The following SNTG1 variants were observed in gnomAD, a reference collection of about 807,000 sequenced individuals.
The protein encoded by SNTG1 is gamma-1-syntrophin.
Under a neutral mutation model 74.7 loss-of-function variants are expected in SNTG1, and 39 were observed. The observed-to-expected ratio is 0.52, with a 90% CI of 0.40 to 0.68. SNTG1 has a LOEUF of 0.68. Ranked by LOEUF, SNTG1 falls within the 30% of genes least tolerant of loss-of-function variation. SNTG1 has a pLI of 0.00. For missense variants in SNTG1, 685 were observed against 609.5 expected (o/e 1.12, Z -1.30); for synonymous variants, 254 against 217.1 (o/e 1.17, Z -1.49).
intron 18 of SNTG1, among the ~76,000 whole-genome samples, chr8:50,755,462 A>T (rs2095578050): frequency 6.6e-6 from 1 of 151,990 alleles, no homozygotes; most frequent in African/African-American, 2.4e-5. Context: ...ACTGAATAAT[A>T]TCCAATTTTC....
rs997668127 is a variant in SNTG1, at chr8:50,446,350, A to T, written c.220-3318A>T. On this transcript the variant is annotated intron_variant, in intron 5 of 18. Transcript: ENST00000642720. ...TTTCAGAAATTAGTTTAAAAAGTAC[A>T]TCAGAGCTCCAAATGTCTAATTTAA... 6.1e-5 allele frequency among the ~76,000 whole-genome samples: 9 copies of T among 148,414 alleles called. No homozygotes were observed. The East Asian group carries it at 1.8e-3, about 30-fold the overall frequency.
intron 1 of SNTG1, among the ~76,000 whole-genome samples, chr8:50,020,219 T>A (rs1023549126): frequency 3.9e-5 from 6 of 152,172 alleles, no homozygotes; most frequent in Non-Finnish European, 8.8e-5. Context: ...TCCTCTTTTA[T>A]CTTGTATTAC....
chr8:49,924,431 A>G (rs1806834455), intron 1 of SNTG1, among the ~76,000 whole-genome samples: 1 of 152,298 alleles, frequency 6.6e-6, no homozygotes, highest in East Asian at 1.9e-4. Flanking sequence ...TACAAGTATT[A>G]CTATGCCACC....
At chr8:50,446,807 G>A (rs2093412214) in intron 5 of SNTG1, among the ~76,000 whole-genome samples, 1 of 152,154 alleles carries the variant, frequency 6.6e-6, no homozygotes, top group Non-Finnish European at 1.5e-5. Flanking sequence ...TTCAAAGATG[G>A]TTACAATAGT....
At chr8:50,155,653 T>C (rs2082230094) in intron 1 of SNTG1, among the ~76,000 whole-genome samples, 1 of 151,972 alleles carries the variant, frequency 6.6e-6, no homozygotes. Context: ...AATAAACATT[T>C]GTAAGATGAA....
At chr8:50,748,074 G>T (rs2095559216) in intron 17 of SNTG1, among the ~76,000 whole-genome samples, 2 of 152,024 alleles carry the variant, frequency 1.3e-5, no homozygotes, top group African/African-American at 2.4e-5. Context: ...GTCTGGCATT[G>T]TTACCACTCA....
intron 15 of SNTG1, among the ~76,000 whole-genome samples, chr8:50,682,743 C>T (rs2095336247): frequency 6.6e-6 from 1 of 152,092 alleles, no homozygotes; most frequent in South Asian, 2.1e-4. Flanking sequence ...AGATCTGTCC[C>T]CCAACACCCT....
chr8:50,744,390 T>A (rs2095550567), intron 17 of SNTG1, among the ~76,000 whole-genome samples: 1 of 151,946 alleles, frequency 6.6e-6, no homozygotes, highest in African/African-American at 2.4e-5. Context: ...TAGGTGAAAG[T>A]CTTGTATACT....
chr8:50,450,754 A>T, intron 8 of SNTG1, 25 bp downstream of exon 8: 1 of 1,609,478 alleles, frequency 6.2e-7, no homozygotes, highest in Non-Finnish European at 8.5e-7. Flanking sequence ...TCCTAATGTC[A>T]TAGTTTTCCC....
intron 2 of SNTG1, among the ~76,000 whole-genome samples, chr8:50,383,134 T>C (rs1384580003): frequency 6.6e-6 from 1 of 152,204 alleles, no homozygotes; most frequent in Non-Finnish European, 1.5e-5. Flanking sequence ...CACATAAAAG[T>C]AACCATCACA....
At chr8:50,517,899 G>A (rs1034941313) in intron 9 of SNTG1, among the ~76,000 whole-genome samples, 8 of 151,952 alleles carry the variant, frequency 5.3e-5, no homozygotes, top group Admixed American at 5.2e-4. Context: ...CAGATCAAGA[G>A]GACAGAAAAT....
chr8:50,557,371 T>C (rs1339747821), intron 12 of SNTG1, among the ~76,000 whole-genome samples: 1 of 152,242 alleles, frequency 6.6e-6, no homozygotes, highest in African/African-American at 2.4e-5. Context: ...ATTAGTTTCC[T>C]AAAATTCCAA....
chr8:50,112,859 C>T (rs1016685856), intron 1 of SNTG1, among the ~76,000 whole-genome samples: 4 of 151,946 alleles, frequency 2.6e-5, no homozygotes, highest in African/African-American at 9.7e-5. Context: ...AATCCTTTCC[C>T]CATTTCTTGT....
intron 13 of SNTG1, among the ~76,000 whole-genome samples, chr8:50,621,902 A>G (rs992666281): frequency 2.0e-5 from 3 of 152,216 alleles, no homozygotes; most frequent in Admixed American, 6.5e-5. Context: ...AGAGTCATAT[A>G]TCTCTGATTT....
At chr8:50,377,679 A>G (rs1252723788) in intron 2 of SNTG1, among the ~76,000 whole-genome samples, 2 of 152,230 alleles carry the variant, frequency 1.3e-5, no homozygotes, top group African/African-American at 4.8e-5. Context: ...CAATTTTATC[A>G]TATAAAGCAA....
rs200129335 is a variant in SNTG1, at chr8:50,541,243, C to CTGTGTGTGTGTG, written c.680+4458_680+4469dup. Among the ~76,000 whole-genome samples the CTGTGTGTGTGTG allele has an allele frequency of 8.9e-3, 1,272 of 143,030 alleles. 19 individuals carry two copies. The highest frequency in any genetic ancestry group is 0.025 in the African/African-American group (959 of 38,420). The allele number at this position is 143,030 out of a possible 152,430, so 93.8% of individuals were successfully genotyped here. On this transcript the variant is annotated intron_variant, in intron 11 of 18. Coordinates refer to ENST00000642720, the MANE Select transcript of SNTG1 (RefSeq NM_018967.5). ...ACAAAATTCACCACTAAGATTTTAC[C>CTGTGTGTGTGTG]TGTGTGTGTGTGTGTGTGTGTGTGT...
intron 5 of SNTG1, among the ~76,000 whole-genome samples, chr8:50,446,330 G>A (rs1417464417): frequency 6.8e-6 from 1 of 147,558 alleles, no homozygotes; most frequent in Admixed American, 6.8e-5. Flanking sequence ...GTCATTTTCA[G>A]AAATTAGTTT....
At chr8:50,599,694 C>G (rs1339204373) in intron 13 of SNTG1, among the ~76,000 whole-genome samples, 1 of 151,982 alleles carries the variant, frequency 6.6e-6, no homozygotes, top group African/African-American at 2.4e-5. Context: ...AATCCTACAG[C>G]CTTAATGAAT....
intron 12 of SNTG1, among the ~76,000 whole-genome samples, chr8:50,582,667 C>G (rs145894028): frequency 6.6e-6 from 1 of 152,150 alleles, no homozygotes; most frequent in South Asian, 2.1e-4. Context: ...AACAGGAATT[C>G]AAGCATAACA....
Sources: gnomAD v4.1 joint callset for allele counts (sites outside exome capture counted in the v4.1 genomes callset) on GRCh38, gnomAD v4.1.1 for gene constraint, MANE v1.5 for transcripts, NCBI Gene and HGNC (gene_info 2026-07-23, HGNC 2026-07-21) for gene names.